DNAJA1: variants seen among roughly 807,000 people sequenced by gnomAD.
The protein encoded by DNAJA1 is DnaJ heat shock protein family (Hsp40) member A1, also known as dnaJ homolog subfamily A member 1.
Under a neutral mutation model 47.6 loss-of-function variants are expected in DNAJA1, and 26 were observed. The observed-to-expected ratio is 0.55, with a 90% CI of 0.40 to 0.76. DNAJA1 has a LOEUF of 0.76. DNAJA1 is among the 30% of genes least tolerant of loss of function. The pLI is 0.00. For missense variants in DNAJA1, 315 were observed against 485.0 expected, an observed-to-expected ratio of 0.65 and a Z score of 3.29; for synonymous variants, 165 against 158.4, an observed-to-expected ratio of 1.04 and a Z score of -0.31.
rs566601668 is a variant in DNAJA1 at position 33,030,381 on chromosome 9, C to T, written c.416-59C>T. The T allele has an allele frequency of 2.0e-5, 30 of 1,487,400 alleles. No homozygotes were observed. The South Asian group carries it at 3.3e-4, about 16-fold the overall frequency. The allele number at this position is 1,487,400 out of a possible 1,614,324, so 92.1% of individuals were successfully genotyped here. A position where few individuals can be genotyped will look rare whatever the true frequency, so the allele number is the denominator to read the frequency against. ...GCATTTAGGAATTGTCTTCTTAAAA[C>T]ATTTACTACTGTATACACTACTAAT... On this transcript the variant is annotated intron_variant, in intron 4 of 8. Transcript: ENST00000330899.
chr9:33,036,752 T>A, intron 7 of DNAJA1, 63 bp downstream of exon 7: 1 of 1,261,646 alleles, frequency 7.9e-7, no homozygotes, highest in Non-Finnish European at 1.1e-6. Flanking sequence ...TGTCTCCTGT[T>A]AACAAAGTGT....
chr9:33,034,020 G>C (rs890571823), intron 5 of DNAJA1, among the ~76,000 whole-genome samples, 196 bp from the exon 6 acceptor site: 3 of 152,238 alleles, frequency 2.0e-5, no homozygotes, highest in Non-Finnish European at 4.4e-5. Context: ...TTGAAGGCTA[G>C]TCTCTTTGCC....
chr9:33,027,329 A>T (rs1271181633), intron 3 of DNAJA1, among the ~76,000 whole-genome samples: 1 of 151,626 alleles, frequency 6.6e-6, no homozygotes, highest in African/African-American at 2.4e-5. Flanking sequence ...CTAATTTTGT[A>T]TTTTTAGTAG....
intron 8 of DNAJA1, 34 bp downstream of exon 8, chr9:33,037,149 A>G (rs780071637): frequency 6.3e-7 from 1 of 1,584,134 alleles, no homozygotes; most frequent in East Asian, 2.2e-5. Flanking sequence ...ATACTTGAGA[A>G]CAATTGGCTT....
chr9:33,039,040 GA>G lies in DNAJA1; in HGVS notation c.*139del. ...ATAGTAGTGTTTTAAAAAGTTAAAT[GA>G]AGAATAAACGCAAATATAAAAGCTC... On this transcript the variant is annotated 3_prime_UTR_variant, in exon 9 of 9. Transcript: ENST00000330899. The G allele has an allele frequency of 3.5e-6, 3 of 855,554 alleles. No individual in the cohort carries two copies. The highest frequency in any genetic ancestry group is 5.3e-6 in the Non-Finnish European group (3 of 565,212). The allele number at this position is 855,554 out of a possible 1,614,324, so 53.0% of individuals were successfully genotyped here. A position where few individuals can be genotyped will look rare whatever the true frequency, so the allele number is the denominator to read the frequency against.
rs1346535318 is a variant in DNAJA1, at chr9:33,039,074, G to T, written c.*171G>T. 1.2e-5 allele frequency: 8 copies of T among 669,566 alleles called. No individual in the cohort carries two copies. The highest frequency in any genetic ancestry group is 1.8e-5 in the African/African-American group (1 of 55,038). The allele number at this position is 669,566 out of a possible 1,614,324, so 41.5% of individuals were successfully genotyped here. A position where few individuals can be genotyped will look rare whatever the true frequency, so the allele number is the denominator to read the frequency against. ...ACGCAAATATAAAAGCTCTGATTTT[G>T]CCCTGTATGTATGATGACTTCAGTG... is the stretch of plus-strand genomic sequence containing the variant. On this transcript the variant is annotated 3_prime_UTR_variant, in exon 9 of 9. Transcript: ENST00000330899.
At chr9:33,025,813 C>T (rs932725654) in intron 1 of DNAJA1, among the ~76,000 whole-genome samples, 3 of 152,192 alleles carry the variant, frequency 2.0e-5, no homozygotes, top group African/African-American at 4.8e-5. Flanking sequence ...TCTCTGTTTC[C>T]CCTCCCTTTG....
At chr9:33,035,499 C>A (rs532821648) in intron 6 of DNAJA1, among the ~76,000 whole-genome samples, 1 of 151,790 alleles carries the variant, frequency 6.6e-6, no homozygotes, top group Non-Finnish European at 1.5e-5. Flanking sequence ...GATGCAGTTT[C>A]GCTCAACAGG....
At chr9:33,030,951 A>G (rs1449569518) in intron 5 of DNAJA1, among the ~76,000 whole-genome samples, 1 of 152,218 alleles carries the variant, frequency 6.6e-6, no homozygotes, top group Non-Finnish European at 1.5e-5. Context: ...TCCAAACTTA[A>G]TTCTCTCCTG....
intron 8 of DNAJA1, 53 bp downstream of exon 8, chr9:33,037,168 C>A (rs1296296758): frequency 5.8e-6 from 9 of 1,546,970 alleles, no homozygotes; most frequent in Admixed American, 1.8e-5. Context: ...TTACTAAAAT[C>A]TGATAAAAAA....
At chr9:33,030,367 T>C (rs1838941690) in intron 4 of DNAJA1, 73 bp from the exon 5 acceptor site, 1 of 1,393,874 alleles carries the variant, frequency 7.2e-7, no homozygotes, top group Non-Finnish European at 9.9e-7. Context: ...CATTTAGGAA[T>C]TGTCTTCTTA....
Position 33,038,625 on chromosome 9 carries a change from A to G in DNAJA1, c.976-60A>G, listed in dbSNP as rs1839070285. On this transcript the variant is annotated intron_variant, in intron 8 of 8. Transcript: ENST00000330899. ...GTGTTTTTCTGGGGAAAATGGGTCC[A>G]TGATACTCTAAGGGAGCTAATGATG... 2.0e-6 allele frequency: 3 copies of G among 1,502,294 alleles called. No individual in the cohort carries two copies. In the South Asian group the frequency reaches 3.6e-5, roughly 18 times the overall value. The allele number at this position is 1,502,294 out of a possible 1,614,324, so 93.1% of individuals were successfully genotyped here. A position where few individuals can be genotyped will look rare whatever the true frequency, so the allele number is the denominator to read the frequency against.
chr9:33,035,136 G>A (rs189588204), intron 6 of DNAJA1, among the ~76,000 whole-genome samples: 2 of 150,060 alleles, frequency 1.3e-5, no homozygotes, highest in African/African-American at 4.9e-5. Context: ...GGTGGCTTAC[G>A]CCTGTAATCC....
Position 33,039,035 on chromosome 9 carries a change from T to TA in DNAJA1, c.*135dup. ...AAACTATAGTAGTGTTTTAAAAAGT[T>TA]AAATGAAGAATAAACGCAAATATAA... On this transcript the variant is annotated 3_prime_UTR_variant, in exon 9 of 9. Transcript: ENST00000330899. The TA allele has an allele frequency of 1.1e-6, 1 of 878,668 alleles. No individual in the cohort carries two copies. The highest frequency in any genetic ancestry group is 2.8e-5 in the Admixed American group (1 of 35,852). The allele number at this position is 878,668 out of a possible 1,614,324, so 54.4% of individuals were successfully genotyped here.
chr9:33,034,414 G>A (rs1049051734), intron 6 of DNAJA1, 84 bp downstream of exon 6: 11 of 1,026,114 alleles, frequency 1.1e-5, no homozygotes, highest in Non-Finnish European at 1.6e-5. Context: ...TTTTTTTAAA[G>A]TGTTTTCCAT....
intron 6 of DNAJA1, among the ~76,000 whole-genome samples, chr9:33,035,037 CTTT>C (rs11371852): frequency 7.9e-5 from 9 of 113,852 alleles, no homozygotes; most frequent in African/African-American, 6.8e-5. Flanking sequence ...AAGAACCCAC[CTTT>C]TTTTTTTTTT....
chr9:33,029,217 G>T (rs1448697758), intron 3 of DNAJA1, among the ~76,000 whole-genome samples: 3 of 152,238 alleles, frequency 2.0e-5, no homozygotes, highest in African/African-American at 7.2e-5. Context: ...CATGTGATTG[G>T]TGGCTGCTAC....
In DNAJA1 at chr9:33,026,027, A is replaced by G. The variant is rs537971583; in HGVS notation, c.-10-448A>G. On this transcript the variant is annotated intron_variant, in intron 1 of 8. Coordinates refer to ENST00000330899, the MANE Select transcript of DNAJA1 (RefSeq NM_001539.4). Reference sequence around the variant, plus strand: ...TGTGGAGCCAGTAACCTGTTCTATAAACCACTCCCCCCCACCACTGTGTGC... The same window carrying G: ...TGTGGAGCCAGTAACCTGTTCTATAGACCACTCCCCCCCACCACTGTGTGC... Among the ~76,000 whole-genome samples, 220 of 152,162 alleles carry G rather than the reference A, an allele frequency of 1.4e-3. 1 individual carries two copies. Among genetic ancestry groups the G allele is most frequent in the South Asian group, 3.3e-3 (16 of 4,814 alleles).
At chr9:33,028,937 T>G (rs925063843) in intron 3 of DNAJA1, among the ~76,000 whole-genome samples, 1 of 152,234 alleles carries the variant, frequency 6.6e-6, no homozygotes, top group Admixed American at 6.5e-5. Context: ...TGAGAACTTT[T>G]TTCAGTTGGT....
Sources: allele counts gnomAD v4.1 joint callset (sites outside exome capture counted in the v4.1 genomes callset), GRCh38; gene constraint gnomAD v4.1.1; transcripts MANE v1.5; gene names NCBI Gene and HGNC (gene_info 2026-07-23, HGNC 2026-07-21).